The following GPRIN1 variants were observed in gnomAD, a reference collection of about 807,000 sequenced individuals.
The protein encoded by GPRIN1 is G protein regulated inducer of neurite outgrowth 1.
GPRIN1 carries 4 observed loss-of-function variants against 2.8 expected under a neutral mutation model. The observed-to-expected ratio is 1.45, with a 90% CI of 0.71 to 3.32. The LOEUF is 3.32. Among genes scored for constraint, GPRIN1 ranks in the 30% most tolerant of loss-of-function variants. The pLI is 0.01. For synonymous variants in GPRIN1, 589 were observed against 589.9 expected (o/e 1.00, Z 0.02); for missense variants, 1,322 against 1,343.4 (o/e 0.98, Z 0.25).
chr5:176,607,603 CAA>C (rs1759240056), intron 1 of GPRIN1, among the ~76,000 whole-genome samples: 1 of 152,212 alleles, frequency 6.6e-6, no homozygotes, highest in Non-Finnish European at 1.5e-5. Context: ...CTCGGCCTCT[CAA>C]AGTGTTGGGA....
Position 176,597,810 on chromosome 5 carries a change from G to C in GPRIN1, c.2025C>G (p.Cys675Trp), listed in dbSNP as rs1323079949. Reference sequence around the variant, plus strand: ...CTGAGGCAAGGGGCTCTGCTTTTCTGCAGGATCCAGGATCCACCTTCTCTG... The same window carrying C: ...CTGAGGCAAGGGGCTCTGCTTTTCTCCAGGATCCAGGATCCACCTTCTCTG... ...QASEKVDPGS[C>W]RKAEPLASGK... The change falls in exon 2 of 2, where the codon TGC becomes TGG. Residue 675 changes from cysteine to tryptophan, a missense_variant. Around this residue, in one of 3 missense-constraint regions of GPRIN1, gnomAD observed 1,117 missense variants for 1,128.6 expected, o/e 0.99. Transcript: ENST00000303991. The surrounding 1 kb of genome is among the most constrained non-coding windows in gnomAD (Gnocchi z 6.1). 6.2e-7 allele frequency: 1 copy of C among 1,606,330 alleles called. No homozygotes were observed. Among genetic ancestry groups the C allele is most frequent in the South Asian group, 1.1e-5 (1 of 90,502 alleles).
Position 176,597,650 on chromosome 5 carries a change from G to A in GPRIN1, c.2185C>T (p.Arg729Cys), listed in dbSNP as rs372343847. The A allele has an allele frequency of 8.8e-6, 14 of 1,598,528 alleles. No individual in the cohort carries two copies. Among genetic ancestry groups the A allele is most frequent in the Admixed American group, 1.7e-5 (1 of 58,210 alleles). ...KPSSSSRQLD[R>C]KALGSARSPE... ...GACCGGGCTGAGCCGAGGGCTTTGC[G>A]GTCTAACTGCCTGGAGGAGGAGGAC... The change falls in exon 2 of 2, where the codon CGC (arginine) becomes TGC (cysteine). Residue 729 changes from arginine (R) to cysteine (C), a missense_variant. Arg to Cys is a radical substitution (Grantham distance 180). Around this residue, in one of 3 missense-constraint regions of GPRIN1, gnomAD observed 1,117 missense variants for 1,128.6 expected, o/e 0.99. Transcript: ENST00000303991. This position sits in a 1 kb window ranked among gnomAD's most constrained non-coding sequence, Gnocchi z 6.1.
Position 176,609,992 on chromosome 5 carries a change from C to G in GPRIN1, c.-44+7G>C, listed in dbSNP as rs1759289353. 1 of 151,974 alleles carries G rather than the reference C, an allele frequency of 6.6e-6. No individual in the cohort carries two copies. Among genetic ancestry groups the G allele is most frequent in the African/African-American group, 2.4e-5 (1 of 41,274 alleles). The allele number at this position is 151,974 out of a possible 1,614,324, so 9.4% of individuals were successfully genotyped here. On this transcript the variant is annotated splice_region_variant and intron_variant, in intron 1 of 1. Coordinates refer to ENST00000303991, the MANE Select transcript of GPRIN1 (RefSeq NM_052899.3). ...GGAAAGACAGCGGGTGTGGGCGCGG[C>G]GCTTACCAGGCAGTGCCGCTGCTCC...
In GPRIN1 at chr5:176,598,099, G is replaced by A; in HGVS notation, c.1736C>T (p.Pro579Leu). 1 of 1,613,532 alleles carries A rather than the reference G, an allele frequency of 6.2e-7. No individual in the cohort carries two copies. The highest frequency in any genetic ancestry group is 1.1e-5 in the South Asian group (1 of 91,074). Residue 579 changes from proline (P) to leucine (L), a missense_variant, in exon 2 of 2, where the codon CCA (proline) becomes CTA (leucine). Around this residue, in one of 3 missense-constraint regions of GPRIN1, gnomAD observed 1,117 missense variants for 1,128.6 expected, o/e 0.99. Transcript: ENST00000303991. ...CGAGGGCACCGGGACTGTTTTTCCT[G>A]GAGTTGAGACCACTTTACCTATAGA... ...SVSIGKVVST[P>L]GKTVPVPSGK...
intron 1 of GPRIN1, among the ~76,000 whole-genome samples, chr5:176,608,320 C>G (rs934519437): frequency 3.9e-5 from 6 of 152,194 alleles, no homozygotes; most frequent in African/African-American, 1.2e-4. Context: ...GAAGCAAGAG[C>G]TCCCCTCCCC....
intron 1 of GPRIN1, among the ~76,000 whole-genome samples, chr5:176,606,000 C>T (rs780652386): frequency 6.6e-6 from 1 of 152,112 alleles, no homozygotes; most frequent in Non-Finnish European, 1.5e-5. Flanking sequence ...GCCCTCACTA[C>T]CCCTCATTTC....
intron 1 of GPRIN1, among the ~76,000 whole-genome samples, chr5:176,603,048 T>C (rs1302365685): frequency 6.6e-6 from 1 of 152,088 alleles, no homozygotes; most frequent in African/African-American, 2.4e-5. Flanking sequence ...CCCTTTGTGA[T>C]GTTTAAATTG....
chr5:176,598,839 T>C lies in GPRIN1; in HGVS notation c.996A>G (p.Val332=). ...IPGSSGKNGP[V]SSGTGAPGSL... Reference sequence around the variant, plus strand: ...ACCCAGGAGCCCCGGTCCCAGAGGATACAGGCCCATTCTTGCCTGATGAGC... The same window carrying C: ...ACCCAGGAGCCCCGGTCCCAGAGGACACAGGCCCATTCTTGCCTGATGAGC... The change falls in exon 2 of 2, where the codon GTA becomes GTG. Residue 332 remains valine (V), a synonymous_variant. Transcript: ENST00000303991. 3 of 1,613,474 alleles carry C rather than the reference T, an allele frequency of 1.9e-6. No homozygotes were observed. Among genetic ancestry groups the C allele is most frequent in the Non-Finnish European group, 1.7e-6 (2 of 1,179,872 alleles).
At position 176,599,476 on chromosome 5, in the gene GPRIN1, G is replaced by C; in HGVS notation, c.359C>G (p.Thr120Arg). The C allele has an allele frequency of 2.5e-6, 4 of 1,613,772 alleles. No individual in the cohort carries two copies. Among genetic ancestry groups the C allele is most frequent in the Non-Finnish European group, 3.4e-6 (4 of 1,179,778 alleles). Residue 120 changes from threonine (T) to arginine (R), a missense_variant, in exon 2 of 2, where the codon ACA (threonine) becomes AGA (arginine). Physicochemically the swap from Thr to Arg is moderately conservative, Grantham distance 71. Around this residue, in one of 3 missense-constraint regions of GPRIN1, gnomAD observed 1,117 missense variants for 1,128.6 expected, o/e 0.99. Coordinates refer to ENST00000303991, the MANE Select transcript of GPRIN1 (RefSeq NM_052899.3). Reference protein sequence around the residue: ...LEAHGASISGTPEATTSGKPE... With the variant: ...LEAHGASISGRPEATTSGKPE... ...CTTCCCAGACGTGGTGGCTTCTGGT[G>C]TCCCTGAGATGGAGGCTCCATGTGC...
chr5:176,598,214 C>G lies in GPRIN1; in HGVS notation c.1621G>C (p.Gly541Arg), dbSNP rs200697235. 14 of 1,612,674 alleles carry G rather than the reference C, an allele frequency of 8.7e-6. No homozygotes were observed. In the South Asian group the frequency reaches 1.4e-4, roughly 16 times the overall value. ...CCCACCGCGAGGGGCTCGGCCTTCCCTGAGGCTGTGGGAGCCGCCTTTCCA... is the reference window on the plus strand; with the variant it reads ...CCCACCGCGAGGGGCTCGGCCTTCCGTGAGGCTGTGGGAGCCGCCTTTCCA... The part of the protein sequence containing the change: ...ASGKAAPTAS[G>R]KAEPLAVGKE... The change falls in exon 2 of 2, where the codon GGG (glycine) becomes CGG (arginine). Residue 541 changes from glycine (G) to arginine (R), a missense_variant. Around this residue, in one of 3 missense-constraint regions of GPRIN1, gnomAD observed 1,117 missense variants for 1,128.6 expected, o/e 0.99. Coordinates refer to ENST00000303991, the MANE Select transcript of GPRIN1 (RefSeq NM_052899.3).
At chr5:176,606,770 G>C (rs1265867652) in intron 1 of GPRIN1, among the ~76,000 whole-genome samples, 2 of 152,248 alleles carry the variant, frequency 1.3e-5, no homozygotes, top group African/African-American at 4.8e-5. Flanking sequence ...ATGAAAGGCA[G>C]AGGTGACCTT....
At position 176,598,651 on chromosome 5, in the gene GPRIN1, G is replaced by C. The variant is rs146734819; in HGVS notation, c.1184C>G (p.Thr395Arg). 4 of 1,614,160 alleles carry C rather than the reference G, an allele frequency of 2.5e-6. No individual in the cohort carries two copies. In the Middle Eastern group the frequency reaches 6.6e-4, roughly 266 times the overall value. ...GRPVSGHTDT[T>R]ASAKTDLTSL... ...TGTGAGATCTGTCTTTGCTGAAGCC[G>C]TAGTATCCGTGTGGCCAGACACAGG... Residue 395 changes from threonine to arginine, a missense_variant, in exon 2 of 2, where the codon ACG (threonine) becomes AGG (arginine). By Grantham distance (71) the Thr-to-Arg change is moderately conservative. Around this residue, in one of 3 missense-constraint regions of GPRIN1, gnomAD observed 1,117 missense variants for 1,128.6 expected, o/e 0.99. Transcript: ENST00000303991.
At position 176,598,453 on chromosome 5, in the gene GPRIN1, G is replaced by A; in HGVS notation, c.1382C>T (p.Ser461Phe). ...VSPGKEDPVS[S>F]RREDPISAGS... ...AGCAGATATGGGGTCCTCCCTTCTG[G>A]AGGACACCGGGTCCTCTTTTCCTGG... Residue 461 changes from serine (S) to phenylalanine (F), a missense_variant, in exon 2 of 2, where the codon TCC (serine) becomes TTC (phenylalanine). Transcript: ENST00000303991. The A allele has an allele frequency of 6.2e-7, 1 of 1,614,036 alleles. No individual in the cohort carries two copies. The highest frequency in any genetic ancestry group is 8.5e-7 in the Non-Finnish European group (1 of 1,180,006).
Position 176,599,119 on chromosome 5 carries a change from C to T in GPRIN1, c.716G>A (p.Arg239Lys). ...GTCTGAGGACACAGGATCCACCTTT[C>T]TCAAAGACCCAGGATCCTCCTTCCT... is the stretch of plus-strand genomic sequence containing the variant. The part of the protein sequence containing the change: ...SPRKEDPGSL[R>K]KVDPVSSDKV... The change falls in exon 2 of 2, where the codon AGA (arginine) becomes AAA (lysine). Residue 239 changes from arginine to lysine, a missense_variant. Arg to Lys is a conservative substitution (Grantham distance 26). This residue lies in a region of GPRIN1 where 1,117 missense variants were observed against 1,128.6 expected (regional missense o/e 0.99). Coordinates refer to ENST00000303991, the MANE Select transcript of GPRIN1 (RefSeq NM_052899.3). The T allele has an allele frequency of 9.7e-7, 1 of 1,031,660 alleles. No individual in the cohort carries two copies. Among genetic ancestry groups the T allele is most frequent in the East Asian group, 3.8e-5 (1 of 26,270 alleles). The allele number at this position is 1,031,660 out of a possible 1,614,324, so 63.9% of individuals were successfully genotyped here. A position where few individuals can be genotyped will look rare whatever the true frequency, so the allele number is the denominator to read the frequency against.
At chr5:176,605,343 C>G (rs1473741554) in intron 1 of GPRIN1, among the ~76,000 whole-genome samples, 1 of 152,166 alleles carries the variant, frequency 6.6e-6, no homozygotes, top group Admixed American at 6.5e-5. Flanking sequence ...GACTGGCTGC[C>G]TTGGCCTCCC....
Position 176,604,671 on chromosome 5 carries a change from C to T in GPRIN1, c.-43-4794G>A, listed in dbSNP as rs528489054. On this transcript the variant is annotated intron_variant, in intron 1 of 1. Coordinates refer to ENST00000303991, the MANE Select transcript of GPRIN1 (RefSeq NM_052899.3). ...ATTTAAGCAGGGAAGTGAATGTGGC[C>T]GCTGTGCCTCCAGGTTTCCTAAATT... is the stretch of plus-strand genomic sequence containing the variant. Among the ~76,000 whole-genome samples the T allele has an allele frequency of 1.6e-3, 243 of 152,182 alleles. 1 individual carries two copies. Among genetic ancestry groups the T allele is most frequent in the African/African-American group, 5.6e-3 (234 of 41,514 alleles).
At position 176,596,916 on chromosome 5, in the gene GPRIN1, G is replaced by A. The variant is rs1283132418; in HGVS notation, c.2919C>T (p.Thr973=). The A allele has an allele frequency of 8.2e-7, 1 of 1,218,726 alleles. No homozygotes were observed. Among genetic ancestry groups the A allele is most frequent in the Non-Finnish European group, 1.0e-6 (1 of 979,658 alleles). 75.5% of individuals were successfully genotyped at this position (1,218,726 alleles called of 1,614,324 possible). A position where few individuals can be genotyped will look rare whatever the true frequency, so the allele number is the denominator to read the frequency against. Residue 973 remains threonine, a synonymous_variant, in exon 2 of 2, where the codon ACC becomes ACT. Transcript: ENST00000303991. This position sits in a 1 kb window ranked among gnomAD's most constrained non-coding sequence, Gnocchi z 5.2. ...GCTTGGCGGCGCCATCTGGGGGCGC[G>A]GTGCGCACCGAGCCCGAACGGCCGG... The part of the protein sequence containing the change: ...AGPGRSGSVR[T]APPDGAAKRP...
chr5:176,597,081 CT>C lies in GPRIN1; in HGVS notation c.2753del (p.Lys918ArgfsTer3). 3 of 1,501,764 alleles carry C rather than the reference CT, an allele frequency of 2.0e-6. No homozygotes were observed. The highest frequency in any genetic ancestry group is 2.7e-6 in the Non-Finnish European group (3 of 1,122,596). 93.0% of individuals were successfully genotyped at this position (1,501,764 alleles called of 1,614,324 possible). On this transcript the variant is annotated frameshift_variant, in exon 2 of 2. Transcript: ENST00000303991. LOFTEE classifies it high-confidence loss of function. This position sits in a 1 kb window ranked among gnomAD's most constrained non-coding sequence, Gnocchi z 6.1. ...CGCCGTATACCTCCCACGTCATGCCCTTCTCGTCCCAGCTCACGTCTCGCAC... is the reference window on the plus strand; with the variant it reads ...CGCCGTATACCTCCCACGTCATGCCCTCTCGTCCCAGCTCACGTCTCGCAC... ...EPVRDVSWDE[K>X]GMTWEVYGAA...
At chr5:176,606,025 A>G (rs1278530837) in intron 1 of GPRIN1, among the ~76,000 whole-genome samples, 1 of 152,098 alleles carries the variant, frequency 6.6e-6, no homozygotes, top group Non-Finnish European at 1.5e-5. Context: ...CTGGAAGCCC[A>G]GCCCTGGGGT....
Sources: allele counts gnomAD v4.1 joint callset (sites outside exome capture counted in the v4.1 genomes callset), GRCh38; gene constraint gnomAD v4.1.1; regional missense constraint gnomAD v4.1.1; non-coding constraint Gnocchi (gnomAD v3.1); transcripts MANE v1.5; gene names NCBI Gene and HGNC (gene_info 2026-07-23, HGNC 2026-07-21).